Variants in NOL4 observed in about 807,000 individuals in gnomAD.
The protein encoded by NOL4 is nucleolar protein 4.
Under a neutral mutation model 75.9 loss-of-function variants are expected in NOL4, and 17 were observed. That is an observed-to-expected ratio of 0.22 (90% CI 0.15 to 0.34). NOL4 has a LOEUF of 0.34. Among genes scored for constraint, NOL4 ranks in the 10% least tolerant of loss-of-function variants. NOL4 has a pLI of 1.00. For synonymous variants in NOL4, 292 were observed against 289.9 expected, an observed-to-expected ratio of 1.01 and a Z score of -0.07; for missense variants, 614 against 793.5, an observed-to-expected ratio of 0.77 and a Z score of 2.72.
At chr18:34,083,860 C>T (rs998474320) in intron 5 of NOL4, among the ~76,000 whole-genome samples, 3 of 152,134 alleles carry the variant, frequency 2.0e-5, no homozygotes, top group Non-Finnish European at 4.4e-5. Context: ...AATATTCATC[C>T]ATGGACGTTG....
intron 6 of NOL4, among the ~76,000 whole-genome samples, chr18:33,985,203 AAAG>A (rs2076957548): frequency 6.6e-6 from 1 of 152,160 alleles, no homozygotes; most frequent in South Asian, 2.1e-4. Flanking sequence ...TTAAAAATTT[AAAG>A]AAGCAACTCT....
chr18:33,945,282 C>T (rs1407099131), intron 8 of NOL4, among the ~76,000 whole-genome samples: 1 of 151,502 alleles, frequency 6.6e-6, no homozygotes, highest in African/African-American at 2.4e-5. Context: ...CAGCTATCAC[C>T]ATTAAAAATT....
In NOL4 at chr18:33,880,893, C is replaced by T. The variant is rs757645911; in HGVS notation, c.1723+2351G>A. ...CCACTTTCAGAGACAGCAACAAAAGCGGGAGACACCCATGTAGAGAGACAA... is the reference window on the plus strand; with the variant it reads ...CCACTTTCAGAGACAGCAACAAAAGTGGGAGACACCCATGTAGAGAGACAA... On this transcript the variant is annotated intron_variant, in intron 10 of 10. Transcript: ENST00000261592. 6.0e-4 allele frequency among the ~76,000 whole-genome samples: 91 copies of T among 151,752 alleles called. 1 individual carries two copies. The highest frequency in any genetic ancestry group is 1.2e-3 in the Non-Finnish European group (81 of 67,944).
chr18:33,991,836 C>G (rs1175449800), intron 6 of NOL4, among the ~76,000 whole-genome samples: 2 of 152,014 alleles, frequency 1.3e-5, no homozygotes, highest in African/African-American at 2.4e-5. Flanking sequence ...CATTTGCAAA[C>G]CTTTCTATCG....
rs546307400 is a variant in NOL4, at chr18:34,037,073, T to C, written c.773-17472A>G. ...TCTTATATCTGATAACCAAATTTAG[T>C]AGAATTGCAGAATACAAAATGAACA... On this transcript the variant is annotated intron_variant, in intron 5 of 10. Coordinates refer to ENST00000261592, the MANE Select transcript of NOL4 (RefSeq NM_003787.5). 7.8e-4 allele frequency among the ~76,000 whole-genome samples: 118 copies of C among 152,128 alleles called. 2 individuals carry two copies. Among genetic ancestry groups the C allele is most frequent in the Non-Finnish European group, 1.2e-3 (81 of 68,030 alleles).
In NOL4 at chr18:33,878,874, G is replaced by C. The variant is rs373516610; in HGVS notation, c.1723+4370C>G. On this transcript the variant is annotated intron_variant, in intron 10 of 10. Transcript: ENST00000261592. The stretch of plus-strand genomic sequence containing the variant: ...ACTTTGACCCGTGCTGAAAATGCTA[G>C]CTTTCACTGACACCCACATAATTGG... Among the ~76,000 whole-genome samples, 335 of 152,176 alleles carry C rather than the reference G, an allele frequency of 2.2e-3. 2 individuals are homozygous for C. The highest frequency in any genetic ancestry group is 7.5e-3 in the African/African-American group (313 of 41,536).
intron 8 of NOL4, among the ~76,000 whole-genome samples, chr18:33,952,088 G>C (rs2069272843): frequency 6.6e-6 from 1 of 152,052 alleles, no homozygotes; most frequent in African/African-American, 2.4e-5. Flanking sequence ...TTTGAGCTTA[G>C]CTGAATATTT....
intron 2 of NOL4, among the ~76,000 whole-genome samples, chr18:34,125,006 A>G (rs11081846): frequency 0.5 from 76,624 of 151,954 alleles, 19,371 homozygotes; most frequent in Admixed American, 0.57. Flanking sequence ...CTCCTGACTT[A>G]AGTTAAATTT....
chr18:33,914,731 AC>A (rs1295476111), intron 9 of NOL4, among the ~76,000 whole-genome samples: 2 of 152,050 alleles, frequency 1.3e-5, no homozygotes, highest in East Asian at 3.9e-4. Context: ...CTCAATGGTA[AC>A]CCCAAGGATT....
chr18:33,978,929 G>T (rs2071723044), intron 6 of NOL4, among the ~76,000 whole-genome samples: 1 of 151,994 alleles, frequency 6.6e-6, no homozygotes, highest in Non-Finnish European at 1.5e-5. Flanking sequence ...CAACTACAGG[G>T]ATAGAGCAAG....
intron 2 of NOL4, among the ~76,000 whole-genome samples, chr18:34,109,717 A>G (rs2145729926): frequency 6.6e-6 from 1 of 152,142 alleles, no homozygotes; most frequent in East Asian, 1.9e-4. Flanking sequence ...AAGATCAATG[A>G]AACTTGAGTT....
At chr18:33,999,465 T>G (rs1201944313) in intron 6 of NOL4, among the ~76,000 whole-genome samples, 2 of 152,166 alleles carry the variant, frequency 1.3e-5, no homozygotes, top group Admixed American at 1.3e-4. Context: ...ATATGTTTAT[T>G]GACTAGTATC....
At chr18:33,925,787 T>C (rs1385752463) in intron 9 of NOL4, among the ~76,000 whole-genome samples, 3 of 151,930 alleles carry the variant, frequency 2.0e-5, no homozygotes, top group Non-Finnish European at 4.4e-5. Flanking sequence ...TGTAAAATGC[T>C]TTGAAAAAAG....
chr18:33,996,104 AAGAC>A (rs1390797794), intron 6 of NOL4, among the ~76,000 whole-genome samples: 1 of 151,886 alleles, frequency 6.6e-6, no homozygotes, highest in Non-Finnish European at 1.5e-5. Flanking sequence ...GATCAGAATA[AAGAC>A]AAGGATGCAT....
Position 34,045,356 on chromosome 18 carries a change from C to T in NOL4, c.773-25755G>A, listed in dbSNP as rs562319948. ...TAGTTTAGGCTCTTAGTCCTAATTGCCTTCCCCAGTTATTACCCCTACCAT... is the reference window on the plus strand; with the variant it reads ...TAGTTTAGGCTCTTAGTCCTAATTGTCTTCCCCAGTTATTACCCCTACCAT... On this transcript the variant is annotated intron_variant, in intron 5 of 10. Transcript: ENST00000261592. Among the ~76,000 whole-genome samples the T allele has an allele frequency of 1.4e-4, 21 of 152,200 alleles. No homozygotes were observed. In the East Asian group the frequency reaches 3.7e-3, roughly 27 times the overall value.
intron 10 of NOL4, among the ~76,000 whole-genome samples, chr18:33,866,946 G>C (rs1358190597): frequency 6.6e-6 from 1 of 152,104 alleles, no homozygotes; most frequent in Non-Finnish European, 1.5e-5. Context: ...ATTCTTCAGA[G>C]AGCCTATGAG....
At chr18:34,012,059 T>G (rs1411094388) in intron 6 of NOL4, among the ~76,000 whole-genome samples, 2 of 151,926 alleles carry the variant, frequency 1.3e-5, no homozygotes, top group African/African-American at 2.4e-5. Context: ...ACATGCATAG[T>G]AGGCATAGGC....
intron 2 of NOL4, among the ~76,000 whole-genome samples, chr18:34,119,910 C>A (rs183942901): frequency 6.6e-6 from 1 of 152,166 alleles, no homozygotes; most frequent in African/African-American, 2.4e-5. Flanking sequence ...GCTTAAGCCA[C>A]CGCGCCCGGC....
chr18:34,165,998 T>C (rs1487626039), intron 1 of NOL4, among the ~76,000 whole-genome samples: 2 of 152,060 alleles, frequency 1.3e-5, no homozygotes. Context: ...GAATAAAAAT[T>C]TACAAAATAT....
Sources: allele counts gnomAD v4.1 joint callset (sites outside exome capture counted in the v4.1 genomes callset), GRCh38; gene constraint gnomAD v4.1.1; transcripts MANE v1.5; gene names NCBI Gene and HGNC (gene_info 2026-07-23, HGNC 2026-07-21).